Variants in DLGAP1 observed in about 807,000 individuals in gnomAD.
DLGAP1 encodes disks large-associated protein 1.
In DLGAP1, 11 loss-of-function variants were observed where a neutral mutation model predicts 90.8. The ratio of observed to expected loss-of-function variants is 0.12; its 90% CI spans 0.08 to 0.20. The LOEUF is 0.20. DLGAP1 is among the 10% of genes least tolerant of loss of function. The probability of loss-of-function intolerance (pLI) is 1.00; values close to 1 mark genes in which losing one functional copy is unlikely to be tolerated. For missense variants in DLGAP1, 1,050 were observed against 1,333.8 expected, an observed-to-expected ratio of 0.79 and a Z score of 3.31; for synonymous variants, 558 against 540.7, an observed-to-expected ratio of 1.03 and a Z score of -0.44.
At chr18:4,055,542 G>A (rs1396763084) in intron 2 of DLGAP1, among the ~76,000 whole-genome samples, 3 of 151,672 alleles carry the variant, frequency 2.0e-5, no homozygotes, top group Non-Finnish European at 4.4e-5. Context: ...TGCAGTATTT[G>A]TTTTTTTTGT....
chr18:4,136,019 C>T (rs748661102), intron 2 of DLGAP1, among the ~76,000 whole-genome samples: 9 of 151,718 alleles, frequency 5.9e-5, no homozygotes, highest in Non-Finnish European at 1.2e-4. Flanking sequence ...CCCTCCCCCT[C>T]CCCCCACCTC....
At chr18:4,068,441 T>A (rs1421644099) in intron 2 of DLGAP1, among the ~76,000 whole-genome samples, 1 of 151,800 alleles carries the variant, frequency 6.6e-6, no homozygotes, top group African/African-American at 2.4e-5. Flanking sequence ...TTTTTCCATA[T>A]ATTTACATTT....
At chr18:4,046,746 G>A (rs916375646) in intron 2 of DLGAP1, among the ~76,000 whole-genome samples, 3 of 152,212 alleles carry the variant, frequency 2.0e-5, no homozygotes, top group Admixed American at 6.5e-5. Flanking sequence ...ATTTATCCTC[G>A]GAGGTTGTGG....
intron 1 of DLGAP1, among the ~76,000 whole-genome samples, chr18:4,196,266 C>T (rs7238924): frequency 0.81 from 123,063 of 152,106 alleles, 50,073 homozygotes; most frequent in East Asian, 0.95. Context: ...CATGGAGAAA[C>T]GGTAGGTAAG....
chr18:3,635,242 T>A (rs917208665), intron 7 of DLGAP1, among the ~76,000 whole-genome samples: 3 of 151,922 alleles, frequency 2.0e-5, no homozygotes, highest in East Asian at 1.9e-4. Flanking sequence ...GCCATTCTCC[T>A]GCCTCAGCCT....
chr18:3,874,438 CT>C (rs1354325609), intron 4 of DLGAP1: 2 of 1,436,132 alleles, frequency 1.4e-6, no homozygotes, highest in African/African-American at 2.9e-5. Flanking sequence ...TAAAATCTTG[CT>C]CTTCTGAATG....
intron 3 of DLGAP1, chr18:3,978,184 G>T: frequency 2.4e-6 from 1 of 424,990 alleles, no homozygotes; most frequent in Admixed American, 2.8e-5. Flanking sequence ...TGGCACAGGA[G>T]GCGTTGCCGA....
At chr18:3,977,759 C>T in intron 3 of DLGAP1, 1 of 357,124 alleles carries the variant, frequency 2.8e-6, no homozygotes, top group Admixed American at 3.5e-5. Context: ...ATGCCCACCC[C>T]AGCTTTGAAG....
intron 6 of DLGAP1, among the ~76,000 whole-genome samples, chr18:3,731,134 G>T (rs1341973788): frequency 6.6e-6 from 1 of 152,014 alleles, no homozygotes; most frequent in Non-Finnish European, 1.5e-5. Context: ...AAATATATAT[G>T]TGTGTATGTC....
At chr18:4,162,984 A>G (rs537482815) in intron 1 of DLGAP1, among the ~76,000 whole-genome samples, 4 of 152,098 alleles carry the variant, frequency 2.6e-5, no homozygotes, top group African/African-American at 9.7e-5. Flanking sequence ...GTCTTCCATG[A>G]TGTTAAATGC....
chr18:4,255,520 T>G (rs2078871626), intron 1 of DLGAP1, among the ~76,000 whole-genome samples: 1 of 150,276 alleles, frequency 6.7e-6, no homozygotes, highest in Non-Finnish European at 1.5e-5. Context: ...AATATATATA[T>G]ATACAATTTT....
chr18:4,379,818 G>A (rs1445208022), intron 1 of DLGAP1, among the ~76,000 whole-genome samples: 1 of 152,078 alleles, frequency 6.6e-6, no homozygotes, highest in African/African-American at 2.4e-5. Context: ...AAGTAATTAA[G>A]TATAGATTCT....
chr18:3,735,775 T>C (rs1289688897), intron 6 of DLGAP1, among the ~76,000 whole-genome samples: 1 of 152,130 alleles, frequency 6.6e-6, no homozygotes, highest in Non-Finnish European at 1.5e-5. Flanking sequence ...TTGTTATTCT[T>C]TCTACTGTTA....
At chr18:3,995,044 G>A (rs2074040460) in intron 3 of DLGAP1, among the ~76,000 whole-genome samples, 1 of 151,974 alleles carries the variant, frequency 6.6e-6, no homozygotes, top group Admixed American at 6.6e-5. Context: ...GCAAAATGTA[G>A]CATAAAGTCA....
In DLGAP1 at chr18:3,734,935, T is replaced by C. The variant is rs141806283; in HGVS notation, c.1351-5560A>G. Among the ~76,000 whole-genome samples, 163 of 152,342 alleles carry C rather than the reference T, an allele frequency of 1.1e-3. 2 individuals are homozygous for C. The highest frequency in any genetic ancestry group is 3.8e-3 in the African/African-American group (158 of 41,592). The stretch of plus-strand genomic sequence containing the variant: ...AATAGATCTTTTACTTTATATTTTC[T>C]AGAATTTGTATTTTATTACAAGTAA... On this transcript the variant is annotated intron_variant, in intron 6 of 12. Coordinates refer to ENST00000315677, the MANE Select transcript of DLGAP1 (RefSeq NM_004746.4).
chr18:4,213,049 G>C (rs556433790), intron 1 of DLGAP1, among the ~76,000 whole-genome samples: 2 of 152,156 alleles, frequency 1.3e-5, no homozygotes, highest in Non-Finnish European at 1.5e-5. Context: ...ACTTTCATTT[G>C]TTTGCTTATT....
intron 7 of DLGAP1, among the ~76,000 whole-genome samples, chr18:3,683,732 A>G (rs2060603037): frequency 6.6e-6 from 1 of 152,218 alleles, no homozygotes; most frequent in Non-Finnish European, 1.5e-5. Flanking sequence ...CACTTGTAAG[A>G]CTGTAAAAGG....
At chr18:3,693,487 G>C (rs936635568) in intron 7 of DLGAP1, among the ~76,000 whole-genome samples, 3 of 152,156 alleles carry the variant, frequency 2.0e-5, no homozygotes, top group African/African-American at 7.2e-5. Context: ...ATACTGCATG[G>C]GCAGAAACAT....
At chr18:4,103,812 T>A (rs553258842) in intron 2 of DLGAP1, among the ~76,000 whole-genome samples, 95 of 152,304 alleles carry the variant, frequency 6.2e-4, no homozygotes, top group African/African-American at 2.1e-3. Context: ...AATCAAATAA[T>A]ACATTTTTTC....
Sources: gnomAD v4.1 joint callset for allele counts (sites outside exome capture counted in the v4.1 genomes callset) on GRCh38, gnomAD v4.1.1 for gene constraint, MANE v1.5 for transcripts, NCBI Gene and HGNC (gene_info 2026-07-23, HGNC 2026-07-21) for gene names.